The following TTC7B variants were observed in gnomAD, a reference collection of about 807,000 sequenced individuals.
The protein encoded by TTC7B is tetratricopeptide repeat protein 7B.
A neutral mutation model predicts 106.8 loss-of-function variants in TTC7B; 28 were observed. That is an observed-to-expected ratio of 0.26 (90% confidence interval 0.19 to 0.36). The LOEUF (loss-of-function observed/expected upper bound fraction) is 0.36. TTC7B is among the 10% of genes least tolerant of loss of function. TTC7B has a pLI of 1.00. For synonymous variants in TTC7B, 405 were observed against 430.6 expected (o/e 0.94, Z 0.74); for missense variants, 862 against 1,076.4 (o/e 0.80, Z 2.79).
chr14:90,639,931 T>C (rs1300083980), intron 15 of TTC7B, among the ~76,000 whole-genome samples: 1 of 152,196 alleles, frequency 6.6e-6, no homozygotes, highest in Non-Finnish European at 1.5e-5. Context: ...ACATATTCAG[T>C]CTGATTCCAT....
At chr14:90,680,634 A>G (rs1687282715) in intron 7 of TTC7B, 99 bp from the exon 8 acceptor site, 2 of 796,208 alleles carry the variant, frequency 2.5e-6, no homozygotes, top group Non-Finnish European at 4.1e-6. Context: ...TTTATATAAT[A>G]CCCATGAAAA....
At chr14:90,649,658 T>C (rs1885629947) in intron 13 of TTC7B, among the ~76,000 whole-genome samples, 1 of 152,110 alleles carries the variant, frequency 6.6e-6, no homozygotes. Context: ...CACCTCCACA[T>C]AATTAATTCA....
chr14:90,785,557 G>A (rs1891358168), intron 2 of TTC7B, among the ~76,000 whole-genome samples: 4 of 152,150 alleles, frequency 2.6e-5, no homozygotes. Context: ...AGGAACTGAT[G>A]AGGAGTCCAA....
intron 9 of TTC7B, among the ~76,000 whole-genome samples, chr14:90,673,358 G>A (rs1303073937): frequency 6.6e-6 from 1 of 152,154 alleles, no homozygotes; most frequent in Non-Finnish European, 1.5e-5. Flanking sequence ...GAGCATGCAG[G>A]ACTATTGCAT....
intron 3 of TTC7B, among the ~76,000 whole-genome samples, chr14:90,776,140 GACACACACACACAC>G (rs370873395): frequency 3.6e-5 from 5 of 140,282 alleles, no homozygotes; most frequent in Admixed American, 7.2e-5. Flanking sequence ...GGCCCCCCGT[GACACACACACACAC>G]ACACACACAC....
intron 4 of TTC7B, among the ~76,000 whole-genome samples, chr14:90,736,492 A>T (rs1889533962): frequency 6.6e-6 from 1 of 152,042 alleles, no homozygotes; most frequent in South Asian, 2.1e-4. Context: ...GAATCACTTG[A>T]ACCCAGGAGG....
Position 90,780,952 on chromosome 14 carries a change from G to A in TTC7B, c.277-46C>T, listed in dbSNP as rs773628665. 1.9e-6 allele frequency: 3 copies of A among 1,569,438 alleles called. No individual in the cohort carries two copies. The South Asian group carries it at 3.4e-5, about 18-fold the overall frequency. The stretch of plus-strand genomic sequence containing the variant: ...AGAAAAGCATTTTCCTACAATATCA[G>A]GCATGATGCTCCCTCAGAGTCTGGC... On this transcript the variant is annotated intron_variant, in intron 2 of 19. Coordinates refer to ENST00000328459, the MANE Select transcript of TTC7B (RefSeq NM_001010854.2).
intron 5 of TTC7B, among the ~76,000 whole-genome samples, chr14:90,707,787 G>GA (rs1177618482): frequency 6.6e-6 from 1 of 152,164 alleles, no homozygotes; most frequent in Non-Finnish European, 1.5e-5. Flanking sequence ...AGATGCAGAG[G>GA]AAAAGTTTGA....
At chr14:90,604,896 T>C (rs533149633) in intron 17 of TTC7B, among the ~76,000 whole-genome samples, 2 of 152,228 alleles carry the variant, frequency 1.3e-5, no homozygotes, top group Admixed American at 6.5e-5. Context: ...TAAAATACTA[T>C]TCAATTTCTC....
chr14:90,646,082 A>T (rs1374095214), intron 14 of TTC7B, among the ~76,000 whole-genome samples: 4 of 152,190 alleles, frequency 2.6e-5, no homozygotes, highest in Non-Finnish European at 4.4e-5. Context: ...CTTTACAGGG[A>T]GGTATCCTGG....
chr14:90,644,124 G>C lies in TTC7B; in HGVS notation c.1675C>G (p.Leu559Val). Residue 559 changes from leucine to valine, a missense_variant, in exon 15 of 20, where the codon CTG becomes GTG. Leu to Val is a conservative substitution (Grantham distance 32). Transcript: ENST00000328459. ...ANSLHLLALL[L>V]SAQKHYHDAL... is the part of the protein sequence containing the mutation. ...TCATGGTAATGCTTCTGTGCTGACAGCAGGAGGGCAAGGAGGTGCAGGGAG... is the reference window on the plus strand; with the variant it reads ...TCATGGTAATGCTTCTGTGCTGACACCAGGAGGGCAAGGAGGTGCAGGGAG... The C allele has an allele frequency of 6.2e-7, 1 of 1,614,110 alleles. No individual in the cohort carries two copies. Among genetic ancestry groups the C allele is most frequent in the Non-Finnish European group, 8.5e-7 (1 of 1,180,012 alleles).
rs766123703 is a variant in TTC7B, at chr14:90,578,164, C to T, written c.2252G>A (p.Arg751Gln). The change falls in exon 19 of 20, where the codon CGG (arginine) becomes CAG (glutamine). Residue 751 changes from arginine to glutamine, a missense_variant. Transcript: ENST00000328459. This position sits in a 1 kb window ranked among gnomAD's most constrained non-coding sequence, Gnocchi z 4.7. ...GATGGCTAAGGCCTCTTCATACCAC[C>T]GCCGCGCCTCGTCCATGCTTCCCCG... ...ELRGSMDEAR[R>Q]WYEEALAISP... 8 of 1,613,256 alleles carry T rather than the reference C, an allele frequency of 5.0e-6. No homozygotes were observed. The highest frequency in any genetic ancestry group is 1.6e-4 in the Middle Eastern group (1 of 6,078).
chr14:90,632,045 T>C (rs1221907043), intron 15 of TTC7B, among the ~76,000 whole-genome samples: 1 of 152,206 alleles, frequency 6.6e-6, no homozygotes, highest in East Asian at 1.9e-4. Flanking sequence ...TCCCACTCCA[T>C]TGTGACCCCT....
chr14:90,748,244 C>T (rs1474692414), intron 3 of TTC7B, among the ~76,000 whole-genome samples: 1 of 151,994 alleles, frequency 6.6e-6, no homozygotes. Flanking sequence ...AGTATTTTTA[C>T]ATTTTATTTT....
chr14:90,582,899 G>A (rs1319211494), intron 18 of TTC7B, among the ~76,000 whole-genome samples: 1 of 152,226 alleles, frequency 6.6e-6, no homozygotes, highest in East Asian at 1.9e-4. Context: ...TTGAGATGGA[G>A]TTGGAGATAA....
chr14:90,694,770 AT>A (rs1202949428), intron 6 of TTC7B, among the ~76,000 whole-genome samples: 1 of 141,714 alleles, frequency 7.1e-6, no homozygotes, highest in Non-Finnish European at 1.5e-5. Context: ...AAATATACAT[AT>A]AAAATATGTA....
intron 4 of TTC7B, among the ~76,000 whole-genome samples, chr14:90,737,847 G>T (rs1003340518): frequency 7.9e-5 from 12 of 152,154 alleles, no homozygotes; most frequent in African/African-American, 2.9e-4. Flanking sequence ...GTGAGCCACT[G>T]CACCCAATGT....
rs1455799343 is a variant in TTC7B, at chr14:90,600,725, A to G, written c.1967-7099T>C. ...CAGCATGCTGCTGGTGGGTGCTGGCAGGGCCAGGTGGTCACACAGAAAGCA... is the reference window on the plus strand; with the variant it reads ...CAGCATGCTGCTGGTGGGTGCTGGCGGGGCCAGGTGGTCACACAGAAAGCA... On this transcript the variant is annotated intron_variant, in intron 17 of 19. Coordinates refer to ENST00000328459, the MANE Select transcript of TTC7B (RefSeq NM_001010854.2). The surrounding 1 kb of genome is among the most constrained non-coding windows in gnomAD (Gnocchi z 4.3). Among the ~76,000 whole-genome samples the G allele has an allele frequency of 6.6e-6, 1 of 152,208 alleles. No homozygotes were observed. The highest frequency in any genetic ancestry group is 2.4e-5 in the African/African-American group (1 of 41,450).
chr14:90,709,542 G>C (rs1305532107), intron 5 of TTC7B, among the ~76,000 whole-genome samples: 14 of 124,016 alleles, frequency 1.1e-4, no homozygotes, highest in African/African-American at 3.9e-4. Flanking sequence ...GTTGTGGGGT[G>C]GGGGGAGGGG....
Sources: gnomAD v4.1 joint callset for allele counts (sites outside exome capture counted in the v4.1 genomes callset) on GRCh38, gnomAD v4.1.1 for gene constraint, Gnocchi (gnomAD v3.1) non-coding constraint, MANE v1.5 for transcripts, NCBI Gene and HGNC (gene_info 2026-07-23, HGNC 2026-07-21) for gene names.